KCNT1: variants seen among roughly 807,000 people sequenced by gnomAD.
KCNT1 encodes the protein potassium sodium-activated channel subfamily T member 1.
In KCNT1, 78 loss-of-function variants were observed where a neutral mutation model predicts 147.8. The observed-to-expected ratio is 0.53, with a 90% CI of 0.44 to 0.64. The LOEUF is 0.64. KCNT1 is among the 30% of genes least tolerant of loss of function. The probability of loss-of-function intolerance (pLI) is 0.00; values close to 1 mark genes in which losing one functional copy is unlikely to be tolerated. For synonymous variants in KCNT1, 867 were observed against 748.8 expected (o/e 1.16, Z -2.58); for missense variants, 1,419 against 1,750.3 (o/e 0.81, Z 3.38).
chr9:135,786,537 G>A lies in KCNT1; in HGVS notation c.3502+16G>A, dbSNP rs112116686. On this transcript the variant is annotated intron_variant, in intron 29 of 30. Transcript: ENST00000371757. ...ACCGGCTACGGTAAGGGCACACGGC[G>A]CGGGTGGGGGCCGGACGGACGGACT... is the stretch of plus-strand genomic sequence containing the variant. The A allele has an allele frequency of 2.5e-3, 3,937 of 1,566,650 alleles. 73 individuals carry two copies. In the African/African-American group the frequency reaches 0.044, roughly 18 times the overall value.
intron 2 of KCNT1, among the ~76,000 whole-genome samples, chr9:135,746,427 G>T (rs571207822): frequency 1.3e-5 from 2 of 152,360 alleles, no homozygotes; most frequent in South Asian, 2.1e-4. Flanking sequence ...AAGAGAAGCT[G>T]CTGGGGGCGC....
At position 135,772,926 on chromosome 9, in the gene KCNT1, C is replaced by T. The variant is rs148162797; in HGVS notation, c.2220C>T (p.Asp740=). 32 of 1,518,880 alleles carry T rather than the reference C, an allele frequency of 2.1e-5. No individual in the cohort carries two copies. Among genetic ancestry groups the T allele is most frequent in the Middle Eastern group, 1.7e-4 (1 of 5,740 alleles). 94.1% of individuals were successfully genotyped at this position (1,518,880 alleles called of 1,614,324 possible). A position where few individuals can be genotyped will look rare whatever the true frequency, so the allele number is the denominator to read the frequency against. The change falls in exon 19 of 31, where the codon GAC becomes GAT. Residue 740 remains aspartate (D), a synonymous_variant. Coordinates refer to ENST00000371757, the MANE Select transcript of KCNT1 (RefSeq NM_020822.3). ...DQSEDEVTPS[D]DEGLSVVEYV... is the part of the protein sequence containing the mutation. ...CGGAGGATGAGGTGACGCCGTCGGACGACGAGGGGCTCTCCGTGGTAGAGT... is the reference window on the plus strand; with the variant it reads ...CGGAGGATGAGGTGACGCCGTCGGATGACGAGGGGCTCTCCGTGGTAGAGT...
At chr9:135,784,978 G>T in intron 27 of KCNT1, 89 bp downstream of exon 27, 9 of 1,537,412 alleles carry the variant, frequency 5.9e-6, no homozygotes, top group South Asian at 2.4e-5. Flanking sequence ...TGGGACTGTG[G>T]CAGCCCCTGT....
Position 135,702,396 on chromosome 9 carries a change from G to A in KCNT1, c.110+28G>A, listed in dbSNP as rs370583132. The A allele has an allele frequency of 2.1e-4, 326 of 1,545,990 alleles. No homozygotes were observed. The African/African-American group carries it at 4.4e-3, about 21-fold the overall frequency. On this transcript the variant is annotated intron_variant, in intron 1 of 30. Transcript: ENST00000371757. ...ACAGTCTGCTGCGCCCTCCCCACGCGGGGAGGCCCCGGTCTAACCTAAGAC... is the reference window on the plus strand; with the variant it reads ...ACAGTCTGCTGCGCCCTCCCCACGCAGGGAGGCCCCGGTCTAACCTAAGAC...
chr9:135,775,100 C>T (rs541161427), intron 19 of KCNT1, among the ~76,000 whole-genome samples: 10 of 152,314 alleles, frequency 6.6e-5, no homozygotes, highest in African/African-American at 9.6e-5. Flanking sequence ...CCCTATGACA[C>T]GGTGACCACA....
intron 24 of KCNT1, among the ~76,000 whole-genome samples, chr9:135,779,838 G>A (rs1395422610): frequency 1.3e-5 from 2 of 152,224 alleles, no homozygotes; most frequent in African/African-American, 4.8e-5. Flanking sequence ...TTCCACATAG[G>A]TTGGCCAGTA....
At chr9:135,745,928 AC>A (rs1830810169) in intron 2 of KCNT1, among the ~76,000 whole-genome samples, 1 of 152,024 alleles carries the variant, frequency 6.6e-6, no homozygotes, top group African/African-American at 2.4e-5. Context: ...GGCTTGGGCC[AC>A]TCTGGCAGGA....
At chr9:135,775,824 C>T (rs925436600) in intron 20 of KCNT1, among the ~76,000 whole-genome samples, 9 of 152,244 alleles carry the variant, frequency 5.9e-5, no homozygotes, top group Non-Finnish European at 8.8e-5. Flanking sequence ...GCCGAGGGCC[C>T]CGAAGGCCTT....
chr9:135,738,237 C>T (rs1217677521), intron 2 of KCNT1, among the ~76,000 whole-genome samples: 2 of 152,208 alleles, frequency 1.3e-5, no homozygotes, highest in Admixed American at 6.5e-5. Context: ...GACGGTTTCA[C>T]ATGGGTGGCC....
intron 5 of KCNT1, 124 bp downstream of exon 5, chr9:135,754,117 G>A (rs1156746634): frequency 9.0e-6 from 7 of 781,022 alleles, no homozygotes; most frequent in Non-Finnish European, 1.5e-5. Flanking sequence ...CCAGGGTGGG[G>A]TGGGATGAGT....
rs1226274352 is a variant in KCNT1 at position 135,792,659 on chromosome 9, C to T, written c.*498C>T. On this transcript the variant is annotated 3_prime_UTR_variant, in exon 31 of 31. Coordinates refer to ENST00000371757, the MANE Select transcript of KCNT1 (RefSeq NM_020822.3). ...TGGGGGCCAGGGCTGCTGTTCTGCA[C>T]TCTGGGGTGGGTGAGGGGGACCCTG... The T allele has an allele frequency of 6.5e-6, 1 of 154,108 alleles. No individual in the cohort carries two copies. Among genetic ancestry groups the T allele is most frequent in the Non-Finnish European group, 1.4e-5 (1 of 69,418 alleles). The allele number at this position is 154,108 out of a possible 1,614,324, so 9.5% of individuals were successfully genotyped here.
At chr9:135,787,286 A>C (rs1292249094) in intron 29 of KCNT1, among the ~76,000 whole-genome samples, 1 of 152,152 alleles carries the variant, frequency 6.6e-6, no homozygotes, top group Non-Finnish European at 1.5e-5. Context: ...TCGGGGCCCT[A>C]CATGCCCTGC....
intron 1 of KCNT1, among the ~76,000 whole-genome samples, chr9:135,706,552 C>T (rs1835263800): frequency 6.6e-6 from 1 of 152,222 alleles, no homozygotes; most frequent in Non-Finnish European, 1.5e-5. Context: ...TGAGACACAG[C>T]TGGCCCCTTG....
intron 23 of KCNT1, 134 bp downstream of exon 23, chr9:135,778,956 C>T (rs1316084650): frequency 2.9e-6 from 3 of 1,051,058 alleles, no homozygotes; most frequent in Admixed American, 5.2e-5. Context: ...CGGGCCCTCG[C>T]CCTGAGACCG....
chr9:135,759,656 C>T, intron 10 of KCNT1, 23 bp from the exon 11 acceptor site: 1 of 1,579,320 alleles, frequency 6.3e-7, no homozygotes, highest in South Asian at 1.2e-5. Flanking sequence ...CCCCAGGCCG[C>T]CCCTCACTGC....
intron 2 of KCNT1, among the ~76,000 whole-genome samples, chr9:135,718,951 G>A (rs1393347331): frequency 6.6e-6 from 1 of 152,230 alleles, no homozygotes; most frequent in Non-Finnish European, 1.5e-5. Flanking sequence ...CCCGGTGGAG[G>A]AAGTGGACAG....
chr9:135,772,605 C>A, intron 18 of KCNT1, 110 bp from the exon 19 acceptor site: 1 of 713,516 alleles, frequency 1.4e-6, no homozygotes, highest in Non-Finnish European at 2.1e-6. Context: ...GCACAGGAGC[C>A]AGGCCATGAC....
chr9:135,780,499 G>GA (rs1371563423), intron 24 of KCNT1, among the ~76,000 whole-genome samples: 5 of 152,240 alleles, frequency 3.3e-5, no homozygotes, highest in African/African-American at 9.6e-5. Context: ...CGTGGACCAA[G>GA]AGCCCATAGG....
chr9:135,777,315 C>T, intron 20 of KCNT1, 23 bp from the exon 21 acceptor site: 1 of 1,604,728 alleles, frequency 6.2e-7, no homozygotes, highest in Non-Finnish European at 8.5e-7. Context: ...GACTCCAGCC[C>T]TGACTCCAGC....
Sources: allele counts gnomAD v4.1 joint callset (sites outside exome capture counted in the v4.1 genomes callset), GRCh38; gene constraint gnomAD v4.1.1; transcripts MANE v1.5; gene names NCBI Gene and HGNC (gene_info 2026-07-23, HGNC 2026-07-21).